The following JAZF1 variants were observed in gnomAD, a reference collection of about 807,000 sequenced individuals.
The protein encoded by JAZF1 is JAZF zinc finger 1.
Under a neutral mutation model 26.4 loss-of-function variants are expected in JAZF1, and 8 were observed. That is an observed-to-expected ratio of 0.30 (90% CI 0.18 to 0.55). The LOEUF (loss-of-function observed/expected upper bound fraction) is 0.55, where lower values mean the gene tolerates loss of function less well. Ranked by LOEUF, JAZF1 falls within the 20% of genes least tolerant of loss-of-function variation. The pLI is 0.94. For missense variants in JAZF1, 199 were observed against 322.0 expected, an observed-to-expected ratio of 0.62 and a Z score of 2.92; for synonymous variants, 126 against 122.3, an observed-to-expected ratio of 1.03 and a Z score of -0.20.
At chr7:27,851,443 G>A (rs11971223) in intron 3 of JAZF1, among the ~76,000 whole-genome samples, 59,923 of 151,884 alleles carry the variant, frequency 0.39, 12,211 homozygotes, top group East Asian at 0.53. Flanking sequence ...GAAGGCAGAA[G>A]TTTGAAACCA....
intron 1 of JAZF1, among the ~76,000 whole-genome samples, chr7:28,070,685 G>C (rs986752201): frequency 6.6e-6 from 1 of 152,252 alleles, no homozygotes; most frequent in Non-Finnish European, 1.5e-5. Context: ...CAAGGTAGAG[G>C]AGGTAGCAGG....
chr7:27,845,720 G>GAA (rs1296170389), intron 3 of JAZF1, among the ~76,000 whole-genome samples: 1 of 134,766 alleles, frequency 7.4e-6, no homozygotes, highest in Non-Finnish European at 1.6e-5. Context: ...AAAAAGAAAA[G>GAA]AAAAAGAAAA....
chr7:27,967,483 T>C (rs1180933749), intron 2 of JAZF1, among the ~76,000 whole-genome samples: 2 of 152,208 alleles, frequency 1.3e-5, no homozygotes, highest in African/African-American at 2.4e-5. Flanking sequence ...TGAAGTAATG[T>C]CTTCTTGCCA....
intron 1 of JAZF1, among the ~76,000 whole-genome samples, chr7:28,094,067 G>A (rs939899185): frequency 3.3e-5 from 5 of 152,152 alleles, no homozygotes; most frequent in African/African-American, 1.2e-4. Context: ...AATTATTTCA[G>A]ACAGTGATAA....
chr7:28,073,531 C>T (rs1784008392), intron 1 of JAZF1, among the ~76,000 whole-genome samples: 1 of 152,152 alleles, frequency 6.6e-6, no homozygotes, highest in Non-Finnish European at 1.5e-5. Context: ...GTTAGGCTGT[C>T]TCTTAATAAT....
intron 2 of JAZF1, among the ~76,000 whole-genome samples, chr7:27,965,008 A>T (rs1785250691): frequency 6.6e-6 from 1 of 152,172 alleles, no homozygotes; most frequent in African/African-American, 2.4e-5. Flanking sequence ...ATGACTAGAA[A>T]TGAGCTGTAG....
chr7:27,866,039 G>A (rs539329174), intron 3 of JAZF1, among the ~76,000 whole-genome samples: 1 of 152,276 alleles, frequency 6.6e-6, no homozygotes, highest in South Asian at 2.1e-4. Flanking sequence ...TCATCAGGCT[G>A]CTACCTAGAA....
chr7:27,901,188 G>A (rs547304974), intron 2 of JAZF1, among the ~76,000 whole-genome samples: 136 of 152,284 alleles, frequency 8.9e-4, no homozygotes, highest in Middle Eastern at 6.8e-3. Flanking sequence ...TGAAACTGCT[G>A]TAAGATTAAT....
rs567510589 is a variant in JAZF1, at chr7:27,959,697, C to T, written c.188+32212G>A. 3.9e-5 allele frequency among the ~76,000 whole-genome samples: 6 copies of T among 152,154 alleles called. No homozygotes were observed. The East Asian group carries it at 9.7e-4, about 25-fold the overall frequency. ...GGCAGATCCCCTGAGGTCAGGAGTT[C>T]GAGACCAGCCTGACCAACATGGCGA... On this transcript the variant is annotated intron_variant, in intron 2 of 4. Coordinates refer to ENST00000283928, the MANE Select transcript of JAZF1 (RefSeq NM_175061.4).
At chr7:27,848,448 C>T (rs974980601) in intron 3 of JAZF1, among the ~76,000 whole-genome samples, 2 of 152,148 alleles carry the variant, frequency 1.3e-5, no homozygotes, top group Non-Finnish European at 2.9e-5. Context: ...AAACAAAAAT[C>T]AGTTGGATTA....
At chr7:27,868,291 G>A (rs890942615) in intron 3 of JAZF1, among the ~76,000 whole-genome samples, 4 of 152,176 alleles carry the variant, frequency 2.6e-5, no homozygotes, top group African/African-American at 7.2e-5. Context: ...GGGTTAACAC[G>A]GGTGACCAAT....
chr7:27,852,858 G>C (rs1443193871), intron 3 of JAZF1, among the ~76,000 whole-genome samples: 2 of 152,162 alleles, frequency 1.3e-5, no homozygotes, highest in African/African-American at 4.8e-5. Flanking sequence ...ATCCTACTCT[G>C]TGATGCTCAA....
At chr7:27,849,752 G>GACACAGACACACACACACAC (rs61688947) in intron 3 of JAZF1, among the ~76,000 whole-genome samples, 17 of 108,442 alleles carry the variant, frequency 1.6e-4, no homozygotes, top group Non-Finnish European at 5.8e-5. Flanking sequence ...CTTACACACA[G>GACACAGACACACACACACAC]ACACACACAC....
chr7:28,072,709 A>C (rs1049671236), intron 1 of JAZF1, among the ~76,000 whole-genome samples: 4 of 152,214 alleles, frequency 2.6e-5, no homozygotes, highest in Admixed American at 1.3e-4. Flanking sequence ...GAAAGATATA[A>C]ACACTTAACA....
At chr7:28,104,577 G>A (rs1450216277) in intron 1 of JAZF1, among the ~76,000 whole-genome samples, 4 of 152,174 alleles carry the variant, frequency 2.6e-5, no homozygotes, top group Non-Finnish European at 4.4e-5. Flanking sequence ...TATTATCACT[G>A]TTGTATTGAA....
At chr7:28,118,371 C>T (rs959524927) in intron 1 of JAZF1, among the ~76,000 whole-genome samples, 63 of 151,920 alleles carry the variant, frequency 4.1e-4, no homozygotes, top group Non-Finnish European at 6.8e-4. Flanking sequence ...AAAAATTAGC[C>T]GGGCGTGGTG....
chr7:27,982,391 C>T (rs915631356), intron 2 of JAZF1, among the ~76,000 whole-genome samples: 10 of 152,088 alleles, frequency 6.6e-5, no homozygotes, highest in Admixed American at 2.0e-4. Context: ...AAGGCGGCAG[C>T]GAGGCTGGGG....
At chr7:28,085,670 A>G (rs1028356689) in intron 1 of JAZF1, among the ~76,000 whole-genome samples, 1 of 152,244 alleles carries the variant, frequency 6.6e-6, no homozygotes, top group Non-Finnish European at 1.5e-5. Flanking sequence ...TGAGCTCAGT[A>G]ATCAAGGCCC....
intron 2 of JAZF1, among the ~76,000 whole-genome samples, chr7:27,984,008 A>G (rs896856861): frequency 6.6e-6 from 1 of 152,254 alleles, no homozygotes; most frequent in Non-Finnish European, 1.5e-5. Flanking sequence ...GCCAAATTGT[A>G]AAGACCATCA....
Sources: allele counts gnomAD v4.1 joint callset (sites outside exome capture counted in the v4.1 genomes callset), GRCh38; gene constraint gnomAD v4.1.1; transcripts MANE v1.5; gene names NCBI Gene and HGNC (gene_info 2026-07-23, HGNC 2026-07-21).